Variants in IKBKB observed in about 807,000 individuals in gnomAD.
IKBKB encodes inhibitor of nuclear factor kappa-B kinase subunit beta.
Under a neutral mutation model 113.6 loss-of-function variants are expected in IKBKB, and 42 were observed. The ratio of observed to expected loss-of-function variants is 0.37; its 90% CI spans 0.29 to 0.48. The LOEUF (loss-of-function observed/expected upper bound fraction) is 0.48. Ranked by LOEUF, IKBKB falls within the 20% of genes least tolerant of loss-of-function variation. The probability of loss-of-function intolerance (pLI) is 0.99; values close to 1 mark genes in which losing one functional copy is unlikely to be tolerated. For synonymous variants in IKBKB, 296 were observed against 361.3 expected (o/e 0.82, Z 2.05); for missense variants, 673 against 939.7 (o/e 0.72, Z 3.71).
chr8:42,289,049 T>TA (rs1296839530), intron 3 of IKBKB, among the ~76,000 whole-genome samples: 2 of 152,136 alleles, frequency 1.3e-5, no homozygotes, highest in African/African-American at 4.8e-5. Flanking sequence ...ACCCCGTCTC[T>TA]ACTAAAAATA....
intron 8 of IKBKB, 112 bp downstream of exon 8, chr8:42,309,137 T>C: frequency 7.9e-7 from 1 of 1,259,810 alleles, no homozygotes; most frequent in African/African-American, 1.5e-5. Context: ...CTGTGTTGTT[T>C]CTCTTCCGAG....
At position 42,331,255 on chromosome 8, in the gene IKBKB, G is replaced by A; in HGVS notation, c.*276G>A. The A allele has an allele frequency of 5.7e-6, 4 of 703,332 alleles. No individual in the cohort carries two copies. The highest frequency in any genetic ancestry group is 1.0e-5 in the Non-Finnish European group (4 of 386,772). 43.6% of individuals were successfully genotyped at this position (703,332 alleles called of 1,614,324 possible). ...CCGGCGCCTTGTCTGCACACTGGAG[G>A]TCCTCCATTACAGAGGCCCAGCGCA... On this transcript the variant is annotated 3_prime_UTR_variant, in exon 22 of 22. Coordinates refer to ENST00000520810, the MANE Select transcript of IKBKB (RefSeq NM_001556.3).
At chr8:42,278,413 T>C (rs1177413632) in intron 2 of IKBKB, among the ~76,000 whole-genome samples, 4 of 152,056 alleles carry the variant, frequency 2.6e-5, no homozygotes, top group Non-Finnish European at 2.9e-5. Context: ...TGGGGACAGA[T>C]TGGGAGGGCC....
chr8:42,321,939 C>G lies in IKBKB; in HGVS notation c.1732C>G (p.Pro578Ala). The G allele has an allele frequency of 6.2e-7, 1 of 1,613,292 alleles. No individual in the cohort carries two copies. Among genetic ancestry groups the G allele is most frequent in the Non-Finnish European group, 8.5e-7 (1 of 1,179,466 alleles). ...GCTGTACAGGAGACTAAGGGAAAAA[C>G]CTCGAGGTAAGTGGGGTTCTGTGTC... ...RELYRRLREKPRDQRTEGDSQ... is the reference protein window; with the variant it reads ...RELYRRLREKARDQRTEGDSQ... The change falls in exon 17 of 22, where the codon CCT becomes GCT. Residue 578 changes from proline (P) to alanine (A), a missense_variant. Coordinates refer to ENST00000520810, the MANE Select transcript of IKBKB (RefSeq NM_001556.3).
rs762696791 is a variant in IKBKB at position 42,330,983 on chromosome 8, G to T, written c.*4G>T. Reference sequence around the variant, plus strand: ...CTGCCTGGAGCAGGCCTCATGATGTGGGGGGACTCGACCCCCTGACATGGG... The same window carrying T: ...CTGCCTGGAGCAGGCCTCATGATGTTGGGGGACTCGACCCCCTGACATGGG... On this transcript the variant is annotated 3_prime_UTR_variant, in exon 22 of 22. Transcript: ENST00000520810. 5 of 1,613,634 alleles carry T rather than the reference G, an allele frequency of 3.1e-6. No individual in the cohort carries two copies. Among genetic ancestry groups the T allele is most frequent in the South Asian group, 1.1e-5 (1 of 91,072 alleles).
chr8:42,316,485 A>G lies in IKBKB; in HGVS notation c.930+146A>G. 9.5e-7 allele frequency: 1 copy of G among 1,051,030 alleles called. No homozygotes were observed. The highest frequency in any genetic ancestry group is 1.4e-6 in the Non-Finnish European group (1 of 731,172). 65.1% of individuals were successfully genotyped at this position (1,051,030 alleles called of 1,614,324 possible). Reference sequence around the variant, plus strand: ...ATCAGTCTTTCTGCATAAGTAAAGAAAGGACAGTTGTGCTAATTGACATTG... The same window carrying G: ...ATCAGTCTTTCTGCATAAGTAAAGAGAGGACAGTTGTGCTAATTGACATTG... On this transcript the variant is annotated intron_variant, in intron 10 of 21. Coordinates refer to ENST00000520810, the MANE Select transcript of IKBKB (RefSeq NM_001556.3). This position sits in a 1 kb window ranked among gnomAD's most constrained non-coding sequence, Gnocchi z 4.5.
chr8:42,296,643 C>A (rs1334544164), intron 5 of IKBKB, among the ~76,000 whole-genome samples: 5 of 136,614 alleles, frequency 3.7e-5, no homozygotes, highest in Non-Finnish European at 7.4e-5. Flanking sequence ...GAGTGAAACT[C>A]CATCTCAAAA....
At chr8:42,314,132 G>T in intron 8 of IKBKB, 190 bp from the exon 9 acceptor site, 2 of 592,722 alleles carry the variant, frequency 3.4e-6, no homozygotes. Flanking sequence ...TTCAGTACCG[G>T]AGCATGCTGT....
Position 42,331,326 on chromosome 8 carries a change from C to A in IKBKB, c.*347C>A, listed in dbSNP as rs2130745750. The A allele has an allele frequency of 1.4e-6, 1 of 702,784 alleles. No homozygotes were observed. Among genetic ancestry groups the A allele is most frequent in the South Asian group, 1.5e-5 (1 of 67,586 alleles). The allele number at this position is 702,784 out of a possible 1,614,324, so 43.5% of individuals were successfully genotyped here. ...TTCAGGGGTACAGCCATGGCAGCTCCTTCCTCTGCCGTGAGAAAAGTGCTT... is the reference window on the plus strand; with the variant it reads ...TTCAGGGGTACAGCCATGGCAGCTCATTCCTCTGCCGTGAGAAAAGTGCTT... On this transcript the variant is annotated 3_prime_UTR_variant, in exon 22 of 22. Transcript: ENST00000520810.
At chr8:42,314,774 C>CAAAAA (rs915998732) in intron 9 of IKBKB, among the ~76,000 whole-genome samples, 1 of 112,830 alleles carries the variant, frequency 8.9e-6, no homozygotes, top group African/African-American at 3.5e-5. Flanking sequence ...GACTCCATCT[C>CAAAAA]AAAAAAAAAA....
rs370585320 is a variant in IKBKB at position 42,296,220 on chromosome 8, G to T, written c.388+2708G>T. On this transcript the variant is annotated intron_variant, in intron 5 of 21. Transcript: ENST00000520810. ...ATAAATATTTGTCAAATGAGAGCTG[G>T]ATGCGGTGGCTCACGCCTGTAATCC... Among the ~76,000 whole-genome samples, 4 of 152,230 alleles carry T rather than the reference G, an allele frequency of 2.6e-5. No individual in the cohort carries two copies. The East Asian group carries it at 5.8e-4, about 22-fold the overall frequency.
chr8:42,288,879 T>C (rs1315098692), intron 3 of IKBKB, 151 bp downstream of exon 3: 8 of 532,996 alleles, frequency 1.5e-5, no homozygotes, highest in Non-Finnish European at 2.7e-5. Context: ...GTCAGGAGAC[T>C]GAGACCATCC....
At chr8:42,306,277 T>G in intron 6 of IKBKB, 66 bp from the exon 7 acceptor site, 1 of 1,025,434 alleles carries the variant, frequency 9.8e-7, no homozygotes, top group South Asian at 1.3e-5. Flanking sequence ...CACCAGGCAG[T>G]CAGAATCCTC....
chr8:42,291,326 C>T (rs551135201), intron 4 of IKBKB, among the ~76,000 whole-genome samples: 11 of 152,154 alleles, frequency 7.2e-5, no homozygotes, highest in East Asian at 3.9e-4. Context: ...GGATTATAGG[C>T]GCCCGCCCCC....
At chr8:42,282,720 C>T (rs555162348) in intron 2 of IKBKB, among the ~76,000 whole-genome samples, 4 of 152,294 alleles carry the variant, frequency 2.6e-5, no homozygotes, top group South Asian at 2.1e-4. Context: ...AACCGGTGAT[C>T]GTAGCCTGCT....
At chr8:42,283,552 G>A (rs1443572147) in intron 2 of IKBKB, among the ~76,000 whole-genome samples, 1 of 152,126 alleles carries the variant, frequency 6.6e-6, no homozygotes, top group Non-Finnish European at 1.5e-5. Context: ...ACACACGGAT[G>A]GGCTAAGGGG....
rs759234043 is a variant in IKBKB at position 42,320,783 on chromosome 8, G to A, written c.1627G>A (p.Asp543Asn). Residue 543 changes from aspartate to asparagine, a missense_variant, in exon 16 of 22, where the codon GAC becomes AAC. Asp to Asn is a conservative substitution (Grantham distance 23). This residue lies in a region of IKBKB where 506 missense variants were observed against 638.7 expected (regional missense o/e 0.79). Coordinates refer to ENST00000520810, the MANE Select transcript of IKBKB (RefSeq NM_001556.3). ...AGAACGGATGATGGCTCTGCAGACC[G>A]ACATTGTGGACTTACAGAGGAGCCC... ...LVERMMALQTDIVDLQRSPMG... is the reference protein window; with the variant it reads ...LVERMMALQTNIVDLQRSPMG... 4.3e-6 allele frequency: 7 copies of A among 1,610,384 alleles called. No individual in the cohort carries two copies. The East Asian group carries it at 6.7e-5, about 15-fold the overall frequency.
intron 2 of IKBKB, among the ~76,000 whole-genome samples, chr8:42,280,839 G>C (rs1204764991): frequency 6.6e-6 from 1 of 152,142 alleles, no homozygotes; most frequent in East Asian, 1.9e-4. Context: ...ACCTGTACTT[G>C]TCCCTTTATG....
Position 42,316,442 on chromosome 8 carries a change from G to A in IKBKB, c.930+103G>A. ...GGGATGGGGCCAGCTGACCTAGTGA[G>A]GAAATTTAGGCTCCTGCATCAGTCT... On this transcript the variant is annotated intron_variant, in intron 10 of 21. Transcript: ENST00000520810. This position sits in a 1 kb window ranked among gnomAD's most constrained non-coding sequence, Gnocchi z 4.5. 1 of 1,370,948 alleles carries A rather than the reference G, an allele frequency of 7.3e-7. No individual in the cohort carries two copies. The highest frequency in any genetic ancestry group is 1.0e-6 in the Non-Finnish European group (1 of 997,516). The allele number at this position is 1,370,948 out of a possible 1,614,324, so 84.9% of individuals were successfully genotyped here. A position where few individuals can be genotyped will look rare whatever the true frequency, so the allele number is the denominator to read the frequency against.
Sources: allele counts gnomAD v4.1 joint callset (sites outside exome capture counted in the v4.1 genomes callset), GRCh38; gene constraint gnomAD v4.1.1; regional missense constraint gnomAD v4.1.1; non-coding constraint Gnocchi (gnomAD v3.1); transcripts MANE v1.5; gene names NCBI Gene and HGNC (gene_info 2026-07-23, HGNC 2026-07-21).